ELOVL2: variants seen among roughly 807,000 people sequenced by gnomAD.
The protein encoded by ELOVL2 is very long chain fatty acid elongase 2.
Under a neutral mutation model 37.7 loss-of-function variants are expected in ELOVL2, and 38 were observed. That is an observed-to-expected ratio of 1.01 (90% confidence interval 0.78 to 1.32). The LOEUF (loss-of-function observed/expected upper bound fraction) is 1.32. Among genes scored for constraint, ELOVL2 ranks in the 40% most tolerant of loss-of-function variants. The pLI, the probability that ELOVL2 is intolerant of heterozygous loss-of-function variation, is 0.00. For missense variants in ELOVL2, 352 were observed against 363.6 expected, an observed-to-expected ratio of 0.97 and a Z score of 0.26; for synonymous variants, 115 against 122.3, an observed-to-expected ratio of 0.94 and a Z score of 0.40.
chr6:10,990,660 T>A (rs1326700633), intron 5 of ELOVL2, among the ~76,000 whole-genome samples: 1 of 106,784 alleles, frequency 9.4e-6, no homozygotes, highest in East Asian at 5.1e-4. Context: ...GGATGGTTTT[T>A]CAGAATGCCC....
intron 1 of ELOVL2, among the ~76,000 whole-genome samples, chr6:11,027,426 T>C (rs893307343): frequency 6.6e-5 from 10 of 152,188 alleles, no homozygotes; most frequent in Non-Finnish European, 1.2e-4. Context: ...AATAATTGGT[T>C]TCTACAATAA....
At chr6:10,994,029 A>G (rs1377637298) in intron 5 of ELOVL2, among the ~76,000 whole-genome samples, 1 of 149,152 alleles carries the variant, frequency 6.7e-6, no homozygotes, top group Admixed American at 6.6e-5. Context: ...AAAAAAAAAA[A>G]TAGCTGGGCA....
At chr6:11,004,082 C>CG (rs1554112000) in intron 3 of ELOVL2, among the ~76,000 whole-genome samples, 1 of 131,802 alleles carries the variant, frequency 7.6e-6, no homozygotes, top group African/African-American at 2.7e-5. Context: ...GACTCTGCCT[C>CG]AAAAAAAAAA....
intron 1 of ELOVL2, among the ~76,000 whole-genome samples, chr6:11,038,201 T>C (rs1198739191): frequency 2.6e-5 from 4 of 152,182 alleles, no homozygotes; most frequent in Non-Finnish European, 5.9e-5. Context: ...CAGAAAGAGT[T>C]AAGGTGGATT....
rs373748893 is a variant in ELOVL2, at chr6:10,995,004, T to A, written c.505+3A>T. 5.0e-5 allele frequency: 79 copies of A among 1,582,514 alleles called. No individual in the cohort carries two copies. Among genetic ancestry groups the A allele is most frequent in the Non-Finnish European group, 6.0e-6 (7 of 1,165,558 alleles). On this transcript the variant is annotated splice_donor_region_variant and intron_variant, in intron 5 of 7. Transcript: ENST00000354666. ...AAACGGAAAAATTAACAAAATAACT[T>A]ACTTTGTCCACAAGGTATCCAGTTC...
chr6:11,036,049 A>G (rs1360526398), intron 1 of ELOVL2, among the ~76,000 whole-genome samples: 1 of 151,648 alleles, frequency 6.6e-6, no homozygotes. Context: ...GCAAAATATT[A>G]ATTCCAAAGT....
chr6:10,988,568 AAAAT>A (rs1315730780), intron 7 of ELOVL2, among the ~76,000 whole-genome samples: 1 of 152,260 alleles, frequency 6.6e-6, no homozygotes, highest in Non-Finnish European at 1.5e-5. Context: ...CTGTTTCAAA[AAAAT>A]AAATAAAAAT....
chr6:10,989,300 A>G (rs1480588073), intron 7 of ELOVL2, among the ~76,000 whole-genome samples: 1 of 152,204 alleles, frequency 6.6e-6, no homozygotes, highest in Non-Finnish European at 1.5e-5. Context: ...GAATTTATCA[A>G]CAAGCATGTG....
intron 1 of ELOVL2, among the ~76,000 whole-genome samples, chr6:11,023,369 A>G (rs1782792377): frequency 6.6e-6 from 1 of 152,254 alleles, no homozygotes. Flanking sequence ...ATCCTTTTGA[A>G]TATGAAAACA....
intron 1 of ELOVL2, among the ~76,000 whole-genome samples, chr6:11,021,180 A>G (rs1486306240): frequency 1.3e-5 from 2 of 152,194 alleles, no homozygotes; most frequent in African/African-American, 2.4e-5. Context: ...AGGCATATCT[A>G]ATTACTTGGA....
Position 11,044,238 on chromosome 6 carries a change from A to T in ELOVL2, c.-8T>A. The T allele has an allele frequency of 7.3e-7, 1 of 1,368,906 alleles. No individual in the cohort carries two copies. The highest frequency in any genetic ancestry group is 1.8e-5 in the South Asian group (1 of 54,442). 84.8% of individuals were successfully genotyped at this position (1,368,906 alleles called of 1,614,324 possible). On this transcript the variant is annotated 5_prime_UTR_variant, in exon 1 of 8. Transcript: ENST00000354666. The surrounding 1 kb of genome is among the most constrained non-coding windows in gnomAD (Gnocchi z 5.6). ...CGCGGCCCCACTCACCATGATCCGC[A>T]GCGGCTGTGGCGCGGCGACCCGGGC...
chr6:10,997,448 A>G (rs1371521680), intron 4 of ELOVL2, among the ~76,000 whole-genome samples: 1 of 152,166 alleles, frequency 6.6e-6, no homozygotes. Context: ...TCTTTTTATA[A>G]TTAGTTTAAA....
In ELOVL2 at chr6:10,990,416, AACT is replaced by A; in HGVS notation, c.529_531del (p.Ser177del). ...TAGGAGTACATAAGAATGTGGATAA[AACT>A]GTTCAGTGTTGGTCCAAAGAAACCT... On this transcript the variant is annotated inframe_deletion, in exon 6 of 8. Coordinates refer to ENST00000354666, the MANE Select transcript of ELOVL2 (RefSeq NM_017770.4). 6.2e-7 allele frequency: 1 copy of A among 1,609,414 alleles called. No individual in the cohort carries two copies. The highest frequency in any genetic ancestry group is 8.5e-7 in the Non-Finnish European group (1 of 1,178,492).
intron 1 of ELOVL2, among the ~76,000 whole-genome samples, chr6:11,027,265 T>C (rs1012259096): frequency 6.6e-6 from 1 of 152,198 alleles, no homozygotes; most frequent in African/African-American, 2.4e-5. Flanking sequence ...GGCTCAAGAA[T>C]GAGCTCTGCA....
intron 3 of ELOVL2, among the ~76,000 whole-genome samples, chr6:11,000,409 T>G (rs1425676366): frequency 6.6e-6 from 1 of 152,184 alleles, no homozygotes; most frequent in Non-Finnish European, 1.5e-5. Context: ...TTGGCCAAAA[T>G]AACAGATTTT....
chr6:11,043,180 G>A (rs924740000), intron 1 of ELOVL2, among the ~76,000 whole-genome samples: 2 of 152,156 alleles, frequency 1.3e-5, no homozygotes, highest in Admixed American at 6.6e-5. Context: ...GAGTGGGGAA[G>A]AGAAAGGAAG....
At chr6:11,002,856 T>C (rs1782414669) in intron 3 of ELOVL2, among the ~76,000 whole-genome samples, 1 of 152,236 alleles carries the variant, frequency 6.6e-6, no homozygotes, top group Non-Finnish European at 1.5e-5. Flanking sequence ...GGCTTCCTAT[T>C]CAGTGCCTAG....
chr6:11,023,911 G>T (rs1024777600), intron 1 of ELOVL2, among the ~76,000 whole-genome samples: 4 of 152,162 alleles, frequency 2.6e-5, no homozygotes, highest in Non-Finnish European at 5.9e-5. Context: ...ACTATACTTG[G>T]CCTCTATGAT....
intron 6 of ELOVL2, 74 bp downstream of exon 6, chr6:10,990,244 G>T: frequency 6.4e-7 from 1 of 1,560,226 alleles, no homozygotes; most frequent in South Asian, 1.2e-5. Context: ...AAAGCCCTCT[G>T]ACTTCTAAGA....
Sources: gnomAD v4.1 joint callset for allele counts (sites outside exome capture counted in the v4.1 genomes callset) on GRCh38, gnomAD v4.1.1 for gene constraint, Gnocchi (gnomAD v3.1) non-coding constraint, MANE v1.5 for transcripts, NCBI Gene and HGNC (gene_info 2026-07-23, HGNC 2026-07-21) for gene names.